ACTC1: variants seen among roughly 807,000 people sequenced by gnomAD.
ACTC1 encodes the protein actin alpha cardiac muscle 1.
ACTC1 carries 10 observed loss-of-function variants against 31.6 expected under a neutral mutation model. That is an observed-to-expected ratio of 0.32 (90% CI 0.19 to 0.54). The LOEUF (loss-of-function observed/expected upper bound fraction) is 0.54, where lower values mean the gene tolerates loss of function less well. Ranked by LOEUF, ACTC1 falls within the 20% of genes least tolerant of loss-of-function variation. The pLI, the probability that ACTC1 is intolerant of heterozygous loss-of-function variation, is 0.95. For missense variants in ACTC1, 129 were observed against 506.4 expected (o/e 0.25, Z 7.15); for synonymous variants, 196 against 185.0 (o/e 1.06, Z -0.48).
At position 34,792,760 on chromosome 15, in the gene ACTC1, G is replaced by A; in HGVS notation, c.455-191C>T. On this transcript the variant is annotated intron_variant, in intron 3 of 6. Transcript: ENST00000290378. The surrounding 1 kb of genome is among the most constrained non-coding windows in gnomAD (Gnocchi z 5.3). ...AATACTAAATCTGAAGCAAACTGCA[G>A]CTCATCTTTTTAACTATTATAGTAG... is the stretch of plus-strand genomic sequence containing the variant. The A allele has an allele frequency of 1.6e-6, 1 of 640,874 alleles. No individual in the cohort carries two copies. Among genetic ancestry groups the A allele is most frequent in the Non-Finnish European group, 2.7e-6 (1 of 368,154 alleles). The allele number at this position is 640,874 out of a possible 1,614,324, so 39.7% of individuals were successfully genotyped here.
chr15:34,790,829 C>G (rs1891689157), intron 6 of ACTC1, among the ~76,000 whole-genome samples: 2 of 152,184 alleles, frequency 1.3e-5, no homozygotes, highest in South Asian at 4.1e-4. Flanking sequence ...GTAGTGGAGC[C>G]TAGCCCAAAA....
rs1458910732 is a variant in ACTC1 at position 34,793,988 on chromosome 15, A to C, written c.130-419T>G. On this transcript the variant is annotated intron_variant, in intron 2 of 6. Coordinates refer to ENST00000290378, the MANE Select transcript of ACTC1 (RefSeq NM_005159.5). The surrounding 1 kb of genome is among the most constrained non-coding windows in gnomAD (Gnocchi z 4.8). ...GATTTTGACATTCAAGTGAACACAT[A>C]ATGATGGGCTGATATGCCATCCTCA... Among the ~76,000 whole-genome samples the C allele has an allele frequency of 6.6e-6, 1 of 152,230 alleles. No homozygotes were observed. The highest frequency in any genetic ancestry group is 1.5e-5 in the Non-Finnish European group (1 of 68,042).
At chr15:34,791,849 T>G in intron 5 of ACTC1, 1 of 538,628 alleles carries the variant, frequency 1.9e-6, no homozygotes, top group Non-Finnish European at 3.3e-6. Context: ...GCTATTCAGT[T>G]ACTACTCTGT....
chr15:34,791,842 A>T, intron 5 of ACTC1: 1 of 522,946 alleles, frequency 1.9e-6, no homozygotes, highest in Non-Finnish European at 3.4e-6. Context: ...GATACGTGCT[A>T]TTCAGTTACT....
In ACTC1 at chr15:34,793,245, C is replaced by T. The variant is rs1247069535; in HGVS notation, c.454G>A (p.Gly152Ser). The T allele has an allele frequency of 6.2e-7, 1 of 1,614,056 alleles. No homozygotes were observed. The highest frequency in any genetic ancestry group is 1.1e-5 in the South Asian group (1 of 91,056). The change falls in exon 3 of 7, where the codon GGC (glycine) becomes AGC (serine). Residue 152 changes from glycine (G) to serine (S), a missense_variant and splice_region_variant. Coordinates refer to ENST00000290378, the MANE Select transcript of ACTC1 (RefSeq NM_005159.5). The surrounding 1 kb of genome is among the most constrained non-coding windows in gnomAD (Gnocchi z 4.8). Reference protein sequence around the residue: ...LSLYASGRTTGIVLDSGDGVT... With the variant: ...LSLYASGRTTSIVLDSGDGVT... ...TAACTGTCCCCAGAGCCCAGCATAC[C>T]TGTGGTACGGCCAGAAGCATACAGG...
chr15:34,795,006 C>A (rs1376036335), intron 1 of ACTC1, among the ~76,000 whole-genome samples, 176 bp from the exon 2 acceptor site: 1 of 152,190 alleles, frequency 6.6e-6, no homozygotes, highest in Non-Finnish European at 1.5e-5. Context: ...GGGAAGAAGC[C>A]GCGGAGGAGA....
intron 2 of ACTC1, among the ~76,000 whole-genome samples, chr15:34,794,214 G>T (rs1208734349): frequency 6.6e-6 from 1 of 152,222 alleles, no homozygotes; most frequent in Non-Finnish European, 1.5e-5. Context: ...TTCTAAAAAT[G>T]CAACAGCCAG....
rs1298902768 is a variant in ACTC1 at position 34,793,477 on chromosome 15, C to A, written c.222G>T (p.Glu74Asp). The change falls in exon 3 of 7, where the codon GAG (glutamate) becomes GAT (aspartate). Residue 74 changes from glutamate to aspartate, a missense_variant. This residue lies in a region of ACTC1 where 35 missense variants were observed against 102.3 expected (regional missense o/e 0.34). Transcript: ENST00000290378. This position sits in a 1 kb window ranked among gnomAD's most constrained non-coding sequence, Gnocchi z 4.8. ...RGILTLKYPIEHGIITNWDDM... is the reference protein window; with the variant it reads ...RGILTLKYPIDHGIITNWDDM... Reference sequence around the variant, plus strand: ...CGTCCCAGTTGGTGATGATACCATGCTCGATGGGATACTTCAGGGTCAGGA... The same window carrying A: ...CGTCCCAGTTGGTGATGATACCATGATCGATGGGATACTTCAGGGTCAGGA... 6.2e-7 allele frequency: 1 copy of A among 1,614,142 alleles called. No homozygotes were observed. Among genetic ancestry groups the A allele is most frequent in the East Asian group, 2.2e-5 (1 of 44,876 alleles).
chr15:34,793,315 G>C lies in ACTC1; in HGVS notation c.384C>G (p.Thr128=). 6.2e-7 allele frequency: 1 copy of C among 1,614,188 alleles called. No individual in the cohort carries two copies. The highest frequency in any genetic ancestry group is 8.5e-7 in the Non-Finnish European group (1 of 1,180,034). ...CCACGTACATGGCAGGGACATTGAAGGTCTCAAACATGATCTGAGTCATCT... is the reference window on the plus strand; with the variant it reads ...CCACGTACATGGCAGGGACATTGAACGTCTCAAACATGATCTGAGTCATCT... ...REKMTQIMFE[T]FNVPAMYVAI... Residue 128 remains threonine (T), a synonymous_variant, in exon 3 of 7, where the codon ACC becomes ACG. Transcript: ENST00000290378. This position sits in a 1 kb window ranked among gnomAD's most constrained non-coding sequence, Gnocchi z 4.8.
At position 34,792,410 on chromosome 15, in the gene ACTC1, G is replaced by C. The variant is rs751661762; in HGVS notation, c.614C>G (p.Thr205Ser). The C allele has an allele frequency of 1.2e-6, 2 of 1,614,218 alleles. No individual in the cohort carries two copies. Among genetic ancestry groups the C allele is most frequent in the Non-Finnish European group, 8.5e-7 (1 of 1,180,040 alleles). Residue 205 changes from threonine (T) to serine (S), a missense_variant and splice_region_variant, in exon 4 of 7, where the codon ACT becomes AGT. Around this residue, in one of 5 missense-constraint regions of ACTC1, gnomAD observed 37 missense variants for 228.6 expected, o/e 0.16. Transcript: ENST00000290378. The surrounding 1 kb of genome is among the most constrained non-coding windows in gnomAD (Gnocchi z 5.3). The stretch of plus-strand genomic sequence containing the variant: ...GCAGATGAGACACACACACTCACCA[G>C]TGGTGACAAAGGAGTAGCCACGCTC... ...LTERGYSFVT[T>S]AEREIVRDIK...
rs771382882 is a variant in ACTC1 at position 34,794,629 on chromosome 15, G to C, written c.129+51C>G. On this transcript the variant is annotated intron_variant, in intron 2 of 6. Transcript: ENST00000290378. ...TCAGGTGAGAGCCATTTCCTAGATCGCTGGACTGAAGGGGTCCCGAGTGGG... is the reference window on the plus strand; with the variant it reads ...TCAGGTGAGAGCCATTTCCTAGATCCCTGGACTGAAGGGGTCCCGAGTGGG... 1.7e-4 allele frequency: 266 copies of C among 1,588,348 alleles called. 1 individual carries two copies. Among genetic ancestry groups the C allele is most frequent in the Non-Finnish European group, 7.7e-6 (9 of 1,164,878 alleles).
intron 6 of ACTC1, 136 bp from the exon 7 acceptor site, chr15:34,790,691 A>T: frequency 1.1e-6 from 1 of 931,270 alleles, no homozygotes; most frequent in Non-Finnish European, 1.7e-6. Context: ...ATACCACGAA[A>T]TAATGTGGCC....
intron 1 of ACTC1, among the ~76,000 whole-genome samples, chr15:34,795,095 G>C (rs1016110301): frequency 6.6e-6 from 1 of 152,018 alleles, no homozygotes; most frequent in Non-Finnish European, 1.5e-5. Context: ...GTGCAAGGAG[G>C]GACCCAAGAA....
chr15:34,795,077 G>T (rs1023086777), intron 1 of ACTC1, among the ~76,000 whole-genome samples: 2 of 152,060 alleles, frequency 1.3e-5, no homozygotes, highest in African/African-American at 2.4e-5. Context: ...TTCCAGCTAG[G>T]GTGCCAGGTG....
chr15:34,791,189 G>A lies in ACTC1; in HGVS notation c.915C>T (p.Thr305=), dbSNP rs1049511214. The change falls in exon 6 of 7, where the codon ACC becomes ACT. Residue 305 remains threonine, a synonymous_variant. Coordinates refer to ENST00000290378, the MANE Select transcript of ACTC1 (RefSeq NM_005159.5). ...GATCAGCAATACCAGGGTACATAGT[G>A]GTGCCTCCAGATAAGACATTGTTGG... ...LYANNVLSGG[T]TMYPGIADRM... 11 of 1,614,000 alleles carry A rather than the reference G, an allele frequency of 6.8e-6. No individual in the cohort carries two copies. The highest frequency in any genetic ancestry group is 9.3e-6 in the Non-Finnish European group (11 of 1,179,988).
At position 34,793,654 on chromosome 15, in the gene ACTC1, A is replaced by T; in HGVS notation, c.130-85T>A. ...CTTGTCCATTTATATCTAACTGCCC[A>T]AGTCAAGGAACATATTTAAATACCA... On this transcript the variant is annotated intron_variant, in intron 2 of 6. Coordinates refer to ENST00000290378, the MANE Select transcript of ACTC1 (RefSeq NM_005159.5). The surrounding 1 kb of genome is among the most constrained non-coding windows in gnomAD (Gnocchi z 4.8). 1 of 1,221,706 alleles carries T rather than the reference A, an allele frequency of 8.2e-7. No homozygotes were observed. The allele number at this position is 1,221,706 out of a possible 1,614,324, so 75.7% of individuals were successfully genotyped here.
Position 34,793,083 on chromosome 15 carries a change from T to A in ACTC1, c.454+162A>T, listed in dbSNP as rs1179159995. Among the ~76,000 whole-genome samples the A allele has an allele frequency of 2.0e-5, 3 of 152,200 alleles. No individual in the cohort carries two copies. The highest frequency in any genetic ancestry group is 4.4e-5 in the Non-Finnish European group (3 of 68,032). On this transcript the variant is annotated intron_variant, in intron 3 of 6. Transcript: ENST00000290378. This position sits in a 1 kb window ranked among gnomAD's most constrained non-coding sequence, Gnocchi z 4.8. Reference sequence around the variant, plus strand: ...TCCAACAATAATTGTGCTCCGAAACTAACCTCAGGGCACTACTGTTAACTC... The same window carrying A: ...TCCAACAATAATTGTGCTCCGAAACAAACCTCAGGGCACTACTGTTAACTC...
rs1595760823 is a variant in ACTC1 at position 34,792,241 on chromosome 15, G to A, written c.657C>T (p.Cys219=). Residue 219 remains cysteine, a synonymous_variant, in exon 5 of 7, where the codon TGC becomes TGT. Transcript: ENST00000290378. This position sits in a 1 kb window ranked among gnomAD's most constrained non-coding sequence, Gnocchi z 5.3. ...CATTCTCAAAATCCAGGGCGACATA[G>A]CACAGCTTCTCTTTAATGTCACGGA... ...EIVRDIKEKL[C]YVALDFENEM... is the part of the protein sequence containing the mutation. The A allele has an allele frequency of 6.2e-7, 1 of 1,614,238 alleles. No homozygotes were observed. The highest frequency in any genetic ancestry group is 1.1e-5 in the South Asian group (1 of 91,082).
intron 6 of ACTC1, 96 bp downstream of exon 6, chr15:34,791,018 C>A (rs1004432733): frequency 3.3e-6 from 4 of 1,213,022 alleles, no homozygotes; most frequent in African/African-American, 3.0e-5. Flanking sequence ...TTGTAGGAGA[C>A]AAGAAACTGA....
Sources: gnomAD v4.1 joint callset for allele counts (sites outside exome capture counted in the v4.1 genomes callset) on GRCh38, gnomAD v4.1.1 for gene constraint, gnomAD v4.1.1 regional missense constraint, Gnocchi (gnomAD v3.1) non-coding constraint, MANE v1.5 for transcripts, NCBI Gene and HGNC (gene_info 2026-07-23, HGNC 2026-07-21) for gene names.